Variants in MS4A15 observed in about 807,000 individuals in gnomAD.
The protein encoded by MS4A15 is membrane spanning 4-domains A15.
MS4A15 carries 22 observed loss-of-function variants against 20.6 expected under a neutral mutation model. That is an observed-to-expected ratio of 1.07 (90% CI 0.76 to 1.52). The LOEUF (loss-of-function observed/expected upper bound fraction) is 1.52, where lower values mean the gene tolerates loss of function less well. Among genes scored for constraint, MS4A15 ranks in the 40% most tolerant of loss-of-function variants. The probability of loss-of-function intolerance (pLI) is 0.00; values close to 1 mark genes in which losing one functional copy is unlikely to be tolerated. For missense variants in MS4A15, 312 were observed against 323.0 expected, an observed-to-expected ratio of 0.97 and a Z score of 0.26; for synonymous variants, 129 against 129.3, an observed-to-expected ratio of 1.00 and a Z score of 0.02.
At chr11:60,770,801 G>A (rs1854014490) in intron 3 of MS4A15, among the ~76,000 whole-genome samples, 3 of 151,638 alleles carry the variant, frequency 2.0e-5, no homozygotes, top group Middle Eastern at 3.2e-3. Flanking sequence ...CGCCTCCCAG[G>A]TTCAAGTGAT....
intron 1 of MS4A15, among the ~76,000 whole-genome samples, chr11:60,760,969 A>C (rs1261496918): frequency 6.6e-6 from 1 of 152,164 alleles, no homozygotes; most frequent in Non-Finnish European, 1.5e-5. Context: ...TAATTGGGAA[A>C]ACTTCTGAGA....
chr11:60,775,561 AG>A, intron 6 of MS4A15, 43 bp from the exon 7 acceptor site: 4 of 1,529,156 alleles, frequency 2.6e-6, no homozygotes, highest in Non-Finnish European at 3.6e-6. Flanking sequence ...ACTACCCTGA[AG>A]CTCCAGCGTC....
intron 6 of MS4A15, 112 bp from the exon 7 acceptor site, chr11:60,775,493 C>A (rs542526418): frequency 1.3e-6 from 1 of 794,412 alleles, no homozygotes; most frequent in Non-Finnish European, 2.1e-6. Context: ...TTCAGACTTG[C>A]GGAATTCAGT....
intron 4 of MS4A15, among the ~76,000 whole-genome samples, chr11:60,772,554 A>G (rs1216338643): frequency 2.6e-5 from 4 of 152,170 alleles, no homozygotes; most frequent in Non-Finnish European, 5.9e-5. Flanking sequence ...GGCTTAATCA[A>G]TTAATGGATT....
Position 60,774,159 on chromosome 11 carries a change from C to A in MS4A15, c.612+209C>A, listed in dbSNP as rs1236271541. 5.3e-5 allele frequency among the ~76,000 whole-genome samples: 8 copies of A among 152,150 alleles called. No individual in the cohort carries two copies. The South Asian group carries it at 1.0e-3, about 20-fold the overall frequency. ...TGGGCATGGTGACTCACACCCATAA[C>A]CCCAGCACTTTGAAAAATGAGATGG... On this transcript the variant is annotated intron_variant, in intron 6 of 6. Coordinates refer to ENST00000405633, the MANE Select transcript of MS4A15 (RefSeq NM_001098835.2).
intron 1 of MS4A15, 104 bp from the exon 2 acceptor site, chr11:60,763,602 A>T: frequency 1.1e-6 from 1 of 929,970 alleles, no homozygotes; most frequent in Non-Finnish European, 1.6e-6. Flanking sequence ...TTGGGGCCAT[A>T]CTGGCAGGGC....
chr11:60,769,567 G>A (rs1853979435), intron 3 of MS4A15, among the ~76,000 whole-genome samples: 1 of 152,086 alleles, frequency 6.6e-6, no homozygotes, highest in Admixed American at 6.6e-5. Flanking sequence ...TCTAAACCCA[G>A]CTGCCCTCTT....
intron 5 of MS4A15, 41 bp from the exon 6 acceptor site, chr11:60,773,796 T>C: frequency 6.4e-7 from 1 of 1,569,546 alleles, no homozygotes. Context: ...CCCCTTACTC[T>C]AGAACTCTGG....
chr11:60,765,741 A>G (rs1269684358), intron 2 of MS4A15, among the ~76,000 whole-genome samples: 2 of 152,072 alleles, frequency 1.3e-5, no homozygotes, highest in East Asian at 1.9e-4. Flanking sequence ...TAGCTGCACC[A>G]CATCCATTGG....
chr11:60,771,922 ATCATGAACACGGCAGCGAAGG>A, intron 4 of MS4A15, among the ~76,000 whole-genome samples: 2 of 152,294 alleles, frequency 1.3e-5, no homozygotes, highest in Middle Eastern at 3.4e-3. Context: ...GGCAATGAAG[ATCATGAACACGGCAGCGAAGG>A]TCATGAACAT....
rs1565071730 is a variant in MS4A15, at chr11:60,767,596, C to CGCG, written c.292_294dup (p.Gly98dup). The stretch of plus-strand genomic sequence containing the variant: ...TGGCAGCGTGCTGCTCATGGTTCGC[C>CGCG]GCGGCCACGTGGGCATCTTCTTCAT... On this transcript the variant is annotated inframe_insertion, in exon 3 of 7. Coordinates refer to ENST00000405633, the MANE Select transcript of MS4A15 (RefSeq NM_001098835.2). 1.9e-6 allele frequency: 3 copies of CGCG among 1,557,320 alleles called. No homozygotes were observed. The highest frequency in any genetic ancestry group is 2.6e-6 in the Non-Finnish European group (3 of 1,149,882).
chr11:60,771,649 G>A lies in MS4A15; in HGVS notation c.405+302G>A, dbSNP rs756487612. 41 of 1,434,044 alleles carry A rather than the reference G, an allele frequency of 2.9e-5. No homozygotes were observed. The South Asian group carries it at 4.5e-4, about 16-fold the overall frequency. 88.8% of individuals were successfully genotyped at this position (1,434,044 alleles called of 1,614,324 possible). ...CCTGTAAGAGTCCTGCTGGGCCTTG[G>A]TGAGCAGAGAGGACTTAGAAATACC... is the stretch of plus-strand genomic sequence containing the variant. On this transcript the variant is annotated intron_variant, in intron 4 of 6. Transcript: ENST00000405633.
rs147044626 is a variant in MS4A15, at chr11:60,776,013, T to C, written c.*298T>C. On this transcript the variant is annotated 3_prime_UTR_variant, in exon 7 of 7. Coordinates refer to ENST00000405633, the MANE Select transcript of MS4A15 (RefSeq NM_001098835.2). ...GTGCATCTAAGCATTTCTCTGCTCA[T>C]TGGGGAAATCCTGGCCTCATTGGAG... is the stretch of plus-strand genomic sequence containing the variant. The C allele has an allele frequency of 1.6e-4, 41 of 251,770 alleles. No individual in the cohort carries two copies. Among genetic ancestry groups the C allele is most frequent in the African/African-American group, 2.4e-4 (11 of 45,882 alleles). 15.6% of individuals were successfully genotyped at this position (251,770 alleles called of 1,614,324 possible).
At chr11:60,768,281 C>T (rs1010117389) in intron 3 of MS4A15, among the ~76,000 whole-genome samples, 1 of 152,196 alleles carries the variant, frequency 6.6e-6, no homozygotes, top group African/African-American at 2.4e-5. Context: ...TGCAACCAAA[C>T]CCCTCCCGCA....
chr11:60,775,572 C>A, intron 6 of MS4A15, 33 bp from the exon 7 acceptor site: 1 of 1,577,252 alleles, frequency 6.3e-7, no homozygotes, highest in African/African-American at 1.3e-5. Context: ...GCTCCAGCGT[C>A]CTCCAGGACG....
At chr11:60,765,853 G>T (rs1166588459) in intron 2 of MS4A15, among the ~76,000 whole-genome samples, 3 of 143,860 alleles carry the variant, frequency 2.1e-5, no homozygotes, top group Admixed American at 1.4e-4. Flanking sequence ...CCTCAAAGCG[G>T]ACCCTGGGAA....
At chr11:60,758,347 C>T (rs148757762) in intron 1 of MS4A15, among the ~76,000 whole-genome samples, 6 of 152,090 alleles carry the variant, frequency 3.9e-5, no homozygotes, top group Admixed American at 6.5e-5. Flanking sequence ...ATTTATCAAC[C>T]GACTGCAAGC....
intron 1 of MS4A15, 51 bp downstream of exon 1, chr11:60,757,109 T>A (rs1012775831): frequency 2.5e-4 from 38 of 152,214 alleles, no homozygotes; most frequent in African/African-American, 8.2e-4. Context: ...ACGCGTAAAA[T>A]ATCAGGGGTT....
intron 1 of MS4A15, among the ~76,000 whole-genome samples, chr11:60,760,939 G>A (rs142073166): frequency 6.6e-6 from 1 of 152,186 alleles, no homozygotes; most frequent in African/African-American, 2.4e-5. Context: ...CAGAGAATCA[G>A]TTTCTTATGT....
Sources: allele counts gnomAD v4.1 joint callset (sites outside exome capture counted in the v4.1 genomes callset), GRCh38; gene constraint gnomAD v4.1.1; transcripts MANE v1.5; gene names NCBI Gene and HGNC (gene_info 2026-07-23, HGNC 2026-07-21).